The following KCNC2 variants were observed in gnomAD, a reference collection of about 807,000 sequenced individuals.
KCNC2 encodes potassium voltage-gated channel subfamily C member 2.
A neutral mutation model predicts 44.5 loss-of-function variants in KCNC2; 21 were observed. That is an observed-to-expected ratio of 0.47 (90% CI 0.33 to 0.68). KCNC2 has a LOEUF of 0.68. Ranked by LOEUF, KCNC2 falls within the 30% of genes least tolerant of loss-of-function variation. The pLI, the probability that KCNC2 is intolerant of heterozygous loss-of-function variation, is 0.01. For synonymous variants in KCNC2, 391 were observed against 339.1 expected, an observed-to-expected ratio of 1.15 and a Z score of -1.68; for missense variants, 589 against 826.2, an observed-to-expected ratio of 0.71 and a Z score of 3.52.
chr12:75,126,178 G>T (rs1018724493), intron 2 of KCNC2, among the ~76,000 whole-genome samples: 19 of 151,980 alleles, frequency 1.3e-4, no homozygotes, highest in Non-Finnish European at 2.4e-4. Flanking sequence ...CATAACCTAG[G>T]GCGACATGAA....
intron 2 of KCNC2, among the ~76,000 whole-genome samples, chr12:75,096,020 A>G (rs1010758876): frequency 4.0e-5 from 6 of 151,502 alleles, no homozygotes; most frequent in Non-Finnish European, 8.9e-5. Context: ...AAAATTGAAA[A>G]ACTACTAGTG....
intron 2 of KCNC2, among the ~76,000 whole-genome samples, chr12:75,075,454 TATAC>T (rs1223797587): frequency 2.4e-4 from 3 of 12,362 alleles, no homozygotes; most frequent in East Asian, 7.2e-3. Context: ...GAAATATATA[TATAC>T]ATATATATAT....
At chr12:75,071,102 A>T (rs577410583) in intron 2 of KCNC2, among the ~76,000 whole-genome samples, 2 of 152,248 alleles carry the variant, frequency 1.3e-5, no homozygotes, top group Admixed American at 6.5e-5. Context: ...CTATATGTGT[A>T]ATTCTGGACA....
chr12:75,122,909 A>C (rs550922047), intron 2 of KCNC2, among the ~76,000 whole-genome samples: 82 of 152,268 alleles, frequency 5.4e-4, no homozygotes, highest in African/African-American at 2.0e-3. Context: ...GTCTTATGCC[A>C]ATCTGCCTTG....
chr12:75,159,607 C>T (rs1292299899), intron 2 of KCNC2, among the ~76,000 whole-genome samples: 1 of 151,838 alleles, frequency 6.6e-6, no homozygotes, highest in East Asian at 1.9e-4. Flanking sequence ...TTGAAACTCC[C>T]TTAAACTCAA....
At chr12:75,156,145 T>G (rs1890741874) in intron 2 of KCNC2, among the ~76,000 whole-genome samples, 1 of 151,808 alleles carries the variant, frequency 6.6e-6, no homozygotes, top group Non-Finnish European at 1.5e-5. Context: ...AATGTCAGCT[T>G]GATGTGTCTA....
chr12:75,065,970 T>C (rs1295984810), intron 2 of KCNC2, among the ~76,000 whole-genome samples: 3 of 152,116 alleles, frequency 2.0e-5, no homozygotes, highest in Admixed American at 2.0e-4. Flanking sequence ...ATCCAATTTG[T>C]ACCACTAAAA....
intron 2 of KCNC2, among the ~76,000 whole-genome samples, chr12:75,138,720 C>A (rs568714452): frequency 6.6e-6 from 1 of 152,056 alleles, no homozygotes; most frequent in Non-Finnish European, 1.5e-5. Context: ...GTGGCTCATG[C>A]TTATAATCCC....
chr12:75,170,002 C>G (rs1327293142), intron 2 of KCNC2, among the ~76,000 whole-genome samples: 2 of 151,608 alleles, frequency 1.3e-5, no homozygotes, highest in Non-Finnish European at 3.0e-5. Flanking sequence ...GGGGAAATTG[C>G]TTATTTTAAT....
At chr12:75,111,617 T>G in intron 2 of KCNC2, among the ~76,000 whole-genome samples, 1 of 152,202 alleles carries the variant, frequency 6.6e-6, no homozygotes, top group East Asian at 1.9e-4. Context: ...CAATAATATA[T>G]GAGTTTCTGC....
In KCNC2 at chr12:75,190,072, G is replaced by T. The variant is rs76078526; in HGVS notation, c.687+17225C>A. The stretch of plus-strand genomic sequence containing the variant: ...CACTTTATGTCAGGCAGTCTGCTAT[G>T]CACATTAAATATGTTATCTCATCTA... On this transcript the variant is annotated intron_variant, in intron 2 of 4. Coordinates refer to ENST00000549446, the MANE Select transcript of KCNC2 (RefSeq NM_139137.4). Among the ~76,000 whole-genome samples the T allele has an allele frequency of 8.2e-3, 1,242 of 152,254 alleles. 16 individuals carry two copies. Among genetic ancestry groups the T allele is most frequent in the African/African-American group, 0.029 (1,189 of 41,550 alleles).
intron 2 of KCNC2, among the ~76,000 whole-genome samples, chr12:75,181,442 T>C (rs574836902): frequency 2.7e-4 from 41 of 152,284 alleles, no homozygotes; most frequent in African/African-American, 9.1e-4. Flanking sequence ...GTTATACTTA[T>C]TACTTTTAGC....
In KCNC2 at chr12:75,041,617, A is replaced by AT; in HGVS notation, c.*1487_*1488insA. On this transcript the variant is annotated 3_prime_UTR_variant, in exon 5 of 5. Transcript: ENST00000549446. ...GTTGAATTCATAGGAATGCATAAATAGACTTTCTTCCACTCAGACTGAATA... is the reference window on the plus strand; with the variant it reads ...GTTGAATTCATAGGAATGCATAAATATGACTTTCTTCCACTCAGACTGAATA... The AT allele has an allele frequency of 9.8e-7, 1 of 1,025,158 alleles. No homozygotes were observed. The highest frequency in any genetic ancestry group is 1.2e-6 in the Non-Finnish European group (1 of 852,756). 63.5% of individuals were successfully genotyped at this position (1,025,158 alleles called of 1,614,324 possible).
At chr12:75,191,449 A>G (rs1188147442) in intron 2 of KCNC2, among the ~76,000 whole-genome samples, 1 of 149,060 alleles carries the variant, frequency 6.7e-6, no homozygotes, top group African/African-American at 2.4e-5. Flanking sequence ...TAATTTAACT[A>G]TAAAGACACC....
intron 2 of KCNC2, among the ~76,000 whole-genome samples, chr12:75,194,293 C>T (rs947897038): frequency 6.6e-6 from 1 of 152,048 alleles, no homozygotes; most frequent in Non-Finnish European, 1.5e-5. Flanking sequence ...ACACTGAGGG[C>T]AAGGCGAGGC....
In KCNC2 at chr12:75,048,218, C is replaced by G; in HGVS notation, c.1715G>C (p.Gly572Ala). 5 of 1,612,952 alleles carry G rather than the reference C, an allele frequency of 3.1e-6. No individual in the cohort carries two copies. The highest frequency in any genetic ancestry group is 4.2e-6 in the Non-Finnish European group (5 of 1,179,322). ...TGTCGTCAGTAGGAAACATGTTTCC[C>G]CTCTTCTGTTTTTGTCTCTGGTACT... ...RSSTRDKNRR[G>A]ETCFLLTTGD... is the part of the protein sequence containing the mutation. The change falls in exon 4 of 5, where the codon GGG (glycine) becomes GCG (alanine). Residue 572 changes from glycine (G) to alanine (A), a missense_variant. Gly to Ala is a moderately conservative substitution (Grantham distance 60, BLOSUM62 0). Transcript: ENST00000549446.
chr12:75,157,985 C>T (rs1232313778), intron 2 of KCNC2, among the ~76,000 whole-genome samples: 4 of 151,794 alleles, frequency 2.6e-5, no homozygotes, highest in Admixed American at 6.6e-5. Context: ...AAGTCATTTG[C>T]GGCAGGTCAC....
intron 2 of KCNC2, among the ~76,000 whole-genome samples, chr12:75,106,041 G>A (rs966137020): frequency 6.6e-6 from 1 of 151,862 alleles, no homozygotes; most frequent in African/African-American, 2.4e-5. Flanking sequence ...AGAAAAAACA[G>A]TAAAAGAGAC....
intron 2 of KCNC2, among the ~76,000 whole-genome samples, chr12:75,094,876 A>AATG (rs909837445): frequency 1.3e-5 from 2 of 151,942 alleles, no homozygotes; most frequent in Admixed American, 6.6e-5. Context: ...TATTACAGAA[A>AATG]ATGATGTCAC....
Sources: gnomAD v4.1 joint callset for allele counts (sites outside exome capture counted in the v4.1 genomes callset) on GRCh38, gnomAD v4.1.1 for gene constraint, MANE v1.5 for transcripts, NCBI Gene and HGNC (gene_info 2026-07-23, HGNC 2026-07-21) for gene names.